IFT74: variants seen among roughly 807,000 people sequenced by gnomAD.
The protein encoded by IFT74 is intraflagellar transport protein 74 homolog.
IFT74 carries 92 observed loss-of-function variants against 96.7 expected under a neutral mutation model. That is an observed-to-expected ratio of 0.95 (90% CI 0.80 to 1.13). The LOEUF (loss-of-function observed/expected upper bound fraction) is 1.13. IFT74 is among the 50% of genes most tolerant of loss of function. The pLI is 0.00. For synonymous variants in IFT74, 223 were observed against 213.2 expected (o/e 1.05, Z -0.40); for missense variants, 811 against 698.2 (o/e 1.16, Z -1.82).
chr9:26,966,388 C>G (rs1282549162), intron 2 of IFT74, among the ~76,000 whole-genome samples: 1 of 151,996 alleles, frequency 6.6e-6, no homozygotes, highest in Non-Finnish European at 1.5e-5. Context: ...GAGATGATAT[C>G]TCACTGTAGT....
Position 26,978,049 on chromosome 9 carries a change from T to A in IFT74, c.121-79T>A, listed in dbSNP as rs574114849. 7.7e-6 allele frequency: 10 copies of A among 1,300,930 alleles called. No individual in the cohort carries two copies. In the African/African-American group the frequency reaches 1.5e-4, roughly 20 times the overall value. 80.6% of individuals were successfully genotyped at this position (1,300,930 alleles called of 1,614,324 possible). ...AGTAGAATTTTGTTTTTTTAAAAAA[T>A]TGTCTTTGCAGTTTTACAATAAAAG... is the stretch of plus-strand genomic sequence containing the variant. On this transcript the variant is annotated intron_variant, in intron 2 of 19. Coordinates refer to ENST00000380062, the MANE Select transcript of IFT74 (RefSeq NM_025103.4).
Position 27,062,745 on chromosome 9 carries a change from C to T in IFT74, c.*9C>T, listed in dbSNP as rs770771280. The T allele has an allele frequency of 2.8e-5, 39 of 1,391,864 alleles. No homozygotes were observed. In the African/African-American group the frequency reaches 5.2e-4, roughly 18 times the overall value. The allele number at this position is 1,391,864 out of a possible 1,614,324, so 86.2% of individuals were successfully genotyped here. Reference sequence around the variant, plus strand: ...GCACCAGCGGAAACTGAGTTTAAGTCCACTGAAAGTCTCTAAGGAAGTATC... The same window carrying T: ...GCACCAGCGGAAACTGAGTTTAAGTTCACTGAAAGTCTCTAAGGAAGTATC... On this transcript the variant is annotated 3_prime_UTR_variant, in exon 20 of 20. Transcript: ENST00000380062.
chr9:26,980,644 C>A, intron 4 of IFT74, 25 bp downstream of exon 4: 1 of 1,475,120 alleles, frequency 6.8e-7, no homozygotes, highest in African/African-American at 1.4e-5. Context: ...TCTTTTCATC[C>A]GTATGTTTTA....
Position 27,029,110 on chromosome 9 carries a change from C to T in IFT74, c.1054+6C>T, listed in dbSNP as rs1830006692. 7 of 1,587,968 alleles carry T rather than the reference C, an allele frequency of 4.4e-6. No individual in the cohort carries two copies. Among genetic ancestry groups the T allele is most frequent in the Non-Finnish European group, 5.2e-6 (6 of 1,165,044 alleles). ...GGATTTAGAGGAACACCAAGGTATG[C>T]TTCTGGTATTTTTATAATGTAGATT... is the stretch of plus-strand genomic sequence containing the variant. On this transcript the variant is annotated splice_donor_region_variant and intron_variant, in intron 13 of 19. Coordinates refer to ENST00000380062, the MANE Select transcript of IFT74 (RefSeq NM_025103.4).
rs368965842 is a variant in IFT74, at chr9:26,991,854, C to G, written c.587+1659C>G. 5.7e-3 allele frequency among the ~76,000 whole-genome samples: 865 copies of G among 152,092 alleles called. 10 individuals carry two copies. The highest frequency in any genetic ancestry group is 0.02 in the African/African-American group (812 of 41,488). On this transcript the variant is annotated intron_variant, in intron 8 of 19. Transcript: ENST00000380062. ...GACCATCCTGGCCAACACGGTAAAA[C>G]CATATCTCTACTAAAAATACAAAAA...
At chr9:27,010,197 G>T (rs1246579415) in intron 9 of IFT74, among the ~76,000 whole-genome samples, 1 of 151,628 alleles carries the variant, frequency 6.6e-6, no homozygotes, top group African/African-American at 2.4e-5. Context: ...CACCGTGTTA[G>T]TCAGGATGGT....
At chr9:27,016,087 G>A (rs1829329552) in intron 10 of IFT74, among the ~76,000 whole-genome samples, 2 of 152,258 alleles carry the variant, frequency 1.3e-5, no homozygotes, top group South Asian at 4.1e-4. Context: ...AAACTGGGTG[G>A]CTTAAAAGAA....
At chr9:26,972,069 C>T (rs1256567470) in intron 2 of IFT74, among the ~76,000 whole-genome samples, 1 of 152,188 alleles carries the variant, frequency 6.6e-6, no homozygotes, top group Non-Finnish European at 1.5e-5. Context: ...GGGAGTTTCT[C>T]TTAAGTCTGG....
At chr9:26,998,012 A>T (rs761665412) in intron 8 of IFT74, 8 of 1,613,924 alleles carry the variant, frequency 5.0e-6, no homozygotes, top group Non-Finnish European at 5.1e-6. Flanking sequence ...GTTTCTACAG[A>T]TATTTAAAAT....
Position 27,000,828 on chromosome 9 carries a change from TTAAAAA to T in IFT74, c.588-8186_588-8181del, listed in dbSNP as rs547365212. 1.8e-4 allele frequency among the ~76,000 whole-genome samples: 28 copies of T among 152,254 alleles called. No homozygotes were observed. The South Asian group carries it at 3.9e-3, about 21-fold the overall frequency. On this transcript the variant is annotated intron_variant, in intron 8 of 19. Coordinates refer to ENST00000380062, the MANE Select transcript of IFT74 (RefSeq NM_025103.4). ...ATAACCTGCACATGTACCCCGGAAC[TTAAAAA>T]TAAAAGTTGAAGGAAAAAAATTACT...
At chr9:27,042,266 T>C (rs1385853755) in intron 13 of IFT74, among the ~76,000 whole-genome samples, 1 of 152,094 alleles carries the variant, frequency 6.6e-6, no homozygotes, top group Non-Finnish European at 1.5e-5. Context: ...GAAATTGCCA[T>C]GGATATAGCG....
rs1820549086 is a variant in IFT74 at position 27,064,457 on chromosome 9, G to T, written c.*1721G>T. 6.6e-6 allele frequency among the ~76,000 whole-genome samples: 1 copy of T among 152,114 alleles called. No individual in the cohort carries two copies. Among genetic ancestry groups the T allele is most frequent in the East Asian group, 1.9e-4 (1 of 5,204 alleles). On this transcript the variant is annotated 3_prime_UTR_variant, in exon 20 of 20. Coordinates refer to ENST00000380062, the MANE Select transcript of IFT74 (RefSeq NM_025103.4). ...AGGTAATAGATTTTGATGACAGTTTGCAGCCCTTCGTTCATTCATAAAGTA... is the reference window on the plus strand; with the variant it reads ...AGGTAATAGATTTTGATGACAGTTTTCAGCCCTTCGTTCATTCATAAAGTA...
At chr9:26,960,087 A>G (rs10812503) in intron 1 of IFT74, among the ~76,000 whole-genome samples, 47,833 of 152,034 alleles carry the variant, frequency 0.31, 8,737 homozygotes, top group East Asian at 0.69. Flanking sequence ...TGACTTCTTG[A>G]ATGGGGACTC....
Position 27,055,699 on chromosome 9 carries a change from A to G in IFT74, c.1424A>G (p.Lys475Arg). The G allele has an allele frequency of 6.3e-7, 1 of 1,594,876 alleles. No individual in the cohort carries two copies. Among genetic ancestry groups the G allele is most frequent in the Non-Finnish European group, 8.5e-7 (1 of 1,173,058 alleles). Residue 475 changes from lysine to arginine, a missense_variant, in exon 17 of 20, where the codon AAG becomes AGG. Physicochemically the swap from Lys to Arg is conservative, Grantham distance 26. Coordinates refer to ENST00000380062, the MANE Select transcript of IFT74 (RefSeq NM_025103.4). ...EEQHSLKSKI[K>R]QMTTDLEIYN... ...CAGCATTCTCTAAAAAGCAAAATTA[A>G]GCAAATGACAACTGATCTGGAGATA...
intron 6 of IFT74, among the ~76,000 whole-genome samples, chr9:26,987,369 C>T (rs1325888113): frequency 6.6e-6 from 1 of 152,112 alleles, no homozygotes; most frequent in Admixed American, 6.6e-5. Flanking sequence ...GGATTGCAGG[C>T]ATGAGCCACC....
chr9:26,981,679 C>G (rs2131533552), intron 4 of IFT74, among the ~76,000 whole-genome samples: 1 of 152,282 alleles, frequency 6.6e-6, no homozygotes, highest in African/African-American at 2.4e-5. Context: ...CTCGGCCTTC[C>G]AAAGTGCTGG....
chr9:26,953,102 T>C (rs1219599722), upstream of IFT74, among the ~76,000 whole-genome samples: 1 of 152,220 alleles, frequency 6.6e-6, no homozygotes, highest in Non-Finnish European at 1.5e-5. Flanking sequence ...AGTGGTGTTC[T>C]TCCGGGCCAT....
chr9:26,967,024 A>C (rs1826651308), intron 2 of IFT74, among the ~76,000 whole-genome samples: 1 of 151,024 alleles, frequency 6.6e-6, no homozygotes, highest in Non-Finnish European at 1.5e-5. Context: ...TTATGCCAGT[A>C]TGCTTTTCTT....
chr9:27,024,236 A>G (rs1302523541), intron 12 of IFT74, among the ~76,000 whole-genome samples: 2 of 152,160 alleles, frequency 1.3e-5, no homozygotes. Flanking sequence ...AAACAAAACT[A>G]CAACCAAGAA....
Sources: allele counts gnomAD v4.1 joint callset (sites outside exome capture counted in the v4.1 genomes callset), GRCh38; gene constraint gnomAD v4.1.1; transcripts MANE v1.5; gene names NCBI Gene and HGNC (gene_info 2026-07-23, HGNC 2026-07-21).